FGF1: variants seen among roughly 807,000 people sequenced by gnomAD.
FGF1 encodes the protein fibroblast growth factor 1.
In FGF1, 9 loss-of-function variants were observed where a neutral mutation model predicts 13.4. That is an observed-to-expected ratio of 0.67 (90% confidence interval 0.40 to 1.17). The LOEUF (loss-of-function observed/expected upper bound fraction) is 1.17, where lower values mean the gene tolerates loss of function less well. Among genes scored for constraint, FGF1 ranks in the 50% most tolerant of loss-of-function variants. The pLI, the probability that FGF1 is intolerant of heterozygous loss-of-function variation, is 0.01. For missense variants in FGF1, 156 were observed against 192.7 expected, an observed-to-expected ratio of 0.81 and a Z score of 1.13; for synonymous variants, 93 against 79.0, an observed-to-expected ratio of 1.18 and a Z score of -0.94.
intron 2 of FGF1, among the ~76,000 whole-genome samples, chr5:142,694,253 C>A (rs1231817996): frequency 2.0e-5 from 3 of 151,264 alleles, no homozygotes; most frequent in Admixed American, 2.0e-4. Flanking sequence ...ACATTCCTGG[C>A]CTGGGACCTT....
chr5:142,662,508 A>G lies in FGF1; in HGVS notation c.-35+23449T>C, dbSNP rs559733184. Among the ~76,000 whole-genome samples the G allele has an allele frequency of 3.8e-4, 58 of 152,328 alleles. No homozygotes were observed. In the South Asian group the frequency reaches 0.011, roughly 30 times the overall value. ...AAGGATTTTTGTTGATGTTGTCACT[A>G]TTATACCCACCATGCTTAACACAAG... On this transcript the variant is annotated intron_variant, in intron 1 of 3. Transcript: ENST00000337706.
chr5:142,624,639 G>A (rs975650191), intron 1 of FGF1, among the ~76,000 whole-genome samples: 1 of 152,172 alleles, frequency 6.6e-6, no homozygotes, highest in South Asian at 2.1e-4. Context: ...AGAATAAACT[G>A]TCCCCTGGTT....
chr5:142,662,185 A>T (rs2152002211), intron 1 of FGF1, among the ~76,000 whole-genome samples: 1 of 152,298 alleles, frequency 6.6e-6, no homozygotes, highest in East Asian at 1.9e-4. Context: ...GAGATTAGAT[A>T]GTGGCAGTAG....
intron 2 of FGF1, among the ~76,000 whole-genome samples, chr5:142,601,514 C>T (rs1476289504): frequency 6.6e-6 from 1 of 152,050 alleles, no homozygotes; most frequent in Non-Finnish European, 1.5e-5. Context: ...GAAGCCGTTA[C>T]CTGGAAATGC....
At position 142,595,093 on chromosome 5, in the gene FGF1, C is replaced by T. The variant is rs943955990; in HGVS notation, c.*197G>A. 4 of 470,118 alleles carry T rather than the reference C, an allele frequency of 8.5e-6. No individual in the cohort carries two copies. In the Admixed American group the frequency reaches 1.5e-4, roughly 18 times the overall value. 29.1% of individuals were successfully genotyped at this position (470,118 alleles called of 1,614,324 possible). On this transcript the variant is annotated 3_prime_UTR_variant, in exon 4 of 4. Coordinates refer to ENST00000337706, the MANE Select transcript of FGF1 (RefSeq NM_000800.5). ...AGTTGACTCCTAGAAGCAATTTGGT[C>T]CCTCTGTTCTAAACTGTGCAGGGGT...
chr5:142,695,777 G>A (rs1388769021), intron 2 of FGF1, among the ~76,000 whole-genome samples: 1 of 151,952 alleles, frequency 6.6e-6, no homozygotes, highest in African/African-American at 2.4e-5. Flanking sequence ...CCGCAAGAAT[G>A]GAGAATTCAA....
chr5:142,683,254 C>T (rs1225807048), intron 1 of FGF1, among the ~76,000 whole-genome samples: 1 of 152,156 alleles, frequency 6.6e-6, no homozygotes, highest in Non-Finnish European at 1.5e-5. Flanking sequence ...TACCTAACCC[C>T]TGGGAGCTAG....
intron 1 of FGF1, among the ~76,000 whole-genome samples, chr5:142,625,183 G>A (rs1365221352): frequency 1.3e-5 from 2 of 152,080 alleles, no homozygotes; most frequent in Non-Finnish European, 2.9e-5. Context: ...CAGATAAGAG[G>A]GACATAGATG....
intron 2 of FGF1, among the ~76,000 whole-genome samples, chr5:142,609,627 T>G (rs764180670): frequency 3.9e-5 from 6 of 152,154 alleles, no homozygotes; most frequent in Non-Finnish European, 7.3e-5. Context: ...AGAGTCACCC[T>G]CAGTTCTGCG....
intron 1 of FGF1, among the ~76,000 whole-genome samples, chr5:142,617,432 T>C (rs978227281): frequency 4.6e-5 from 7 of 151,984 alleles, no homozygotes; most frequent in Non-Finnish European, 8.8e-5. Context: ...CAGCCCAGAC[T>C]TCATCACTGT....
At chr5:142,685,147 T>C (rs1045365322) in intron 1 of FGF1, among the ~76,000 whole-genome samples, 2 of 152,196 alleles carry the variant, frequency 1.3e-5, no homozygotes, top group Non-Finnish European at 2.9e-5. Flanking sequence ...ACCTTTGGCA[T>C]GTAATTGTGA....
intron 1 of FGF1, among the ~76,000 whole-genome samples, chr5:142,636,607 T>C (rs550052946): frequency 6.6e-6 from 1 of 152,328 alleles, no homozygotes; most frequent in East Asian, 1.9e-4. Context: ...CGATTTTGAA[T>C]GAACTGAGTA....
In FGF1 at chr5:142,614,023, G is replaced by T. The variant is rs1759652985; in HGVS notation, c.105C>A (p.Gly35=). The T allele has an allele frequency of 6.2e-7, 1 of 1,614,000 alleles. No individual in the cohort carries two copies. The highest frequency in any genetic ancestry group is 8.5e-7 in the Non-Finnish European group (1 of 1,180,018). Reference sequence around the variant, plus strand: ...CATCCGGAAGGATCCTCAGGAAGTGGCCCCCGTTGCTACAGTAGAGGAGTT... The same window carrying T: ...CATCCGGAAGGATCCTCAGGAAGTGTCCCCCGTTGCTACAGTAGAGGAGTT... ...KPKLLYCSNG[G]HFLRILPDGT... Residue 35 remains glycine, a synonymous_variant, in exon 2 of 4, where the codon GGC becomes GGA. Coordinates refer to ENST00000337706, the MANE Select transcript of FGF1 (RefSeq NM_000800.5).
chr5:142,638,976 C>T (rs1597263558), intron 1 of FGF1, among the ~76,000 whole-genome samples: 2 of 151,978 alleles, frequency 1.3e-5, no homozygotes, highest in African/African-American at 2.4e-5. Flanking sequence ...TGAGATACCA[C>T]CTCATGCATG....
chr5:142,658,898 C>T (rs1193935274), intron 1 of FGF1, among the ~76,000 whole-genome samples: 1 of 152,100 alleles, frequency 6.6e-6, no homozygotes, highest in Non-Finnish European at 1.5e-5. Context: ...CTTGAGTCCC[C>T]AGTGCCTGGC....
chr5:142,625,465 C>T (rs1762308222), intron 1 of FGF1, among the ~76,000 whole-genome samples: 1 of 152,086 alleles, frequency 6.6e-6, no homozygotes. Context: ...AGTTGGAGGT[C>T]AGGAATTCTT....
At chr5:142,657,840 A>G (rs1197379040) in intron 1 of FGF1, among the ~76,000 whole-genome samples, 1 of 152,132 alleles carries the variant, frequency 6.6e-6, no homozygotes, top group Non-Finnish European at 1.5e-5. Flanking sequence ...CTTGCTTAGT[A>G]TCTTGCCCTG....
intron 2 of FGF1, among the ~76,000 whole-genome samples, chr5:142,696,903 T>TTG (rs1266318922): frequency 1.3e-5 from 2 of 152,130 alleles, no homozygotes; most frequent in Non-Finnish European, 2.9e-5. Context: ...GGATAACAGT[T>TTG]TGTGTGTGGA....
At chr5:142,600,843 C>G (rs1438955688) in intron 2 of FGF1, 38 bp from the exon 3 acceptor site, 3 of 1,502,360 alleles carry the variant, frequency 2.0e-6, no homozygotes, top group Non-Finnish European at 2.8e-6. Context: ...TAAATAAACA[C>G]TACGCTTTTG....
Sources: gnomAD v4.1 joint callset for allele counts (sites outside exome capture counted in the v4.1 genomes callset) on GRCh38, gnomAD v4.1.1 for gene constraint, MANE v1.5 for transcripts, NCBI Gene and HGNC (gene_info 2026-07-23, HGNC 2026-07-21) for gene names.